The following MSN variants were observed in gnomAD, a reference collection of about 807,000 sequenced individuals.
The protein encoded by MSN is moesin, also known as epididymis luminal protein 70.
MSN carries 2 observed loss-of-function variants against 48.0 expected under a neutral mutation model. The observed-to-expected ratio is 0.04, with a 90% CI of 0.02 to 0.13. MSN has a LOEUF of 0.13. Ranked by LOEUF, MSN falls within the 10% of genes least tolerant of loss-of-function variation. MSN has a pLI of 1.00. For missense variants in MSN, 267 were observed against 470.1 expected (o/e 0.57, Z 3.99); for synonymous variants, 146 against 166.9 (o/e 0.87, Z 0.97).
chrX:65,656,282 T>C (rs184226974), intron 1 of MSN, among the ~76,000 whole-genome samples: 1 of 109,439 alleles, frequency 9.1e-6, no homozygotes, highest in Non-Finnish European at 1.9e-5. Flanking sequence ...TGTGTGTGTG[T>C]GTGTGTGTGT....
Position 65,644,150 on chromosome X carries a change from G to A in MSN, c.-22+55538G>A, listed in dbSNP as rs184453673. 1.8e-4 allele frequency among the ~76,000 whole-genome samples: 20 copies of A among 112,339 alleles called. No individual in the cohort carries two copies. The East Asian group carries it at 4.5e-3, about 25-fold the overall frequency. ...TATGTATAGCACTTCAGGATGGAAT[G>A]TTATAAATAATAAGCAGTACCTGCC... is the stretch of plus-strand genomic sequence containing the variant. On this transcript the variant is annotated intron_variant, in intron 1 of 3. Coordinates refer to the MSN transcript ENST00000609672.
intron 1 of MSN, among the ~76,000 whole-genome samples, chrX:65,604,379 G>C (rs2070261544): frequency 9.0e-6 from 1 of 111,670 alleles, no homozygotes; most frequent in African/African-American, 3.3e-5. Flanking sequence ...GTTAGAGATA[G>C]AATATTTGAA....
intron 7 of MSN, 109 bp from the exon 8 acceptor site, chrX:65,735,158 G>A: frequency 1.1e-6 from 1 of 878,099 alleles, no homozygotes; most frequent in Non-Finnish European, 1.6e-6. Flanking sequence ...TAGTGCAGGA[G>A]GTCAGATTAA....
intron 2 of MSN, 97 bp from the exon 3 acceptor site, chrX:65,727,717 G>C (rs1260789435): frequency 7.4e-6 from 5 of 678,818 alleles, no homozygotes; most frequent in Non-Finnish European, 1.2e-5. Flanking sequence ...AACCCTTTAA[G>C]GGCAGATATA....
intron 1 of MSN, among the ~76,000 whole-genome samples, chrX:65,633,903 G>A (rs2070578133): frequency 8.9e-6 from 1 of 111,854 alleles, no homozygotes; most frequent in Non-Finnish European, 1.9e-5. Context: ...ATGGTCATGT[G>A]TCCAATGTCA....
intron 1 of MSN, among the ~76,000 whole-genome samples, chrX:65,589,382 G>C (rs1368592058): frequency 8.9e-6 from 1 of 111,951 alleles, no homozygotes; most frequent in Non-Finnish European, 1.9e-5. Flanking sequence ...AAAGACATCT[G>C]TTTCTAGGCT....
At chrX:65,658,582 G>C (rs889091380) in intron 1 of MSN, among the ~76,000 whole-genome samples, 1 of 111,649 alleles carries the variant, frequency 9.0e-6, no homozygotes, top group Non-Finnish European at 1.9e-5. Context: ...GGGTCAGGGG[G>C]ATTCTTTTTG....
At chrX:65,674,085 A>G (rs1245299198) in intron 1 of MSN, among the ~76,000 whole-genome samples, 1 of 109,894 alleles carries the variant, frequency 9.1e-6, no homozygotes, top group Non-Finnish European at 1.9e-5. Context: ...TGTCTCAGGA[A>G]CTCTTTGTAG....
chrX:65,708,930 A>G (rs910515986), intron 1 of MSN, among the ~76,000 whole-genome samples: 1 of 111,825 alleles, frequency 8.9e-6, no homozygotes, highest in Non-Finnish European at 1.9e-5. Flanking sequence ...TGATCTGCCC[A>G]TCTCAGCCAC....
intron 1 of MSN, among the ~76,000 whole-genome samples, chrX:65,646,819 T>C (rs1184566428): frequency 9.0e-6 from 1 of 110,902 alleles, no homozygotes; most frequent in African/African-American, 3.3e-5. Flanking sequence ...TGGTGGTGCA[T>C]GCCTGTAATC....
chrX:65,647,423 G>A, intron 1 of MSN, among the ~76,000 whole-genome samples: 1 of 111,692 alleles, frequency 9.0e-6, no homozygotes, highest in Non-Finnish European at 1.9e-5. Context: ...ATGTTGGCCA[G>A]GCTGGTCTCG....
rs754602575 is a variant in MSN, at chrX:65,631,095, C to CT, written c.-22+42497dup. Among the ~76,000 whole-genome samples the CT allele has an allele frequency of 7.9e-3, 795 of 100,177 alleles. 12 individuals carry two copies. The highest frequency in any genetic ancestry group is 0.023 in the African/African-American group (644 of 27,760). The allele number at this position is 100,177 out of a possible 115,157, so 87.0% of individuals were successfully genotyped here. On this transcript the variant is annotated intron_variant, in intron 1 of 3. Coordinates refer to the MSN transcript ENST00000609672. ...TCCCATCTACCTCTATATCCTGCTT[C>CT]TTTTTTTTTTTTTTGTCTGAGACAG...
intron 1 of MSN, among the ~76,000 whole-genome samples, chrX:65,637,844 A>G (rs1306732320): frequency 9.0e-6 from 1 of 111,346 alleles, no homozygotes; most frequent in Non-Finnish European, 1.9e-5. Context: ...GTTACCTTTC[A>G]GTGAGGCATT....
chrX:65,714,915 T>A (rs2071448315), intron 1 of MSN, among the ~76,000 whole-genome samples: 1 of 112,049 alleles, frequency 8.9e-6, no homozygotes, highest in South Asian at 3.7e-4. Flanking sequence ...TTACGTAGGT[T>A]TTCTTTGAGG....
At chrX:65,682,277 A>T (rs1308062807) in intron 1 of MSN, among the ~76,000 whole-genome samples, 1 of 112,179 alleles carries the variant, frequency 8.9e-6, no homozygotes, top group African/African-American at 3.2e-5. Flanking sequence ...AAAACAGTTC[A>T]TGAAGAACCA....
intron 1 of MSN, among the ~76,000 whole-genome samples, chrX:65,633,314 T>C (rs546937175): frequency 8.9e-6 from 1 of 111,913 alleles, no homozygotes; most frequent in East Asian, 2.8e-4. Flanking sequence ...AGGTGACTTC[T>C]TCATGGGACC....
rs5964449 is a variant in MSN, at chrX:65,648,321, C to A, written c.-22+59709C>A. ...TAATCCCAGCACTTTGGGAGGCCGA[C>A]GTGGGCAGATCGCCTGAGGTCAGGA... On this transcript the variant is annotated intron_variant, in intron 1 of 3. Transcript: ENST00000609672. 6.7e-3 allele frequency among the ~76,000 whole-genome samples: 714 copies of A among 106,909 alleles called. 7 individuals carry two copies. Among genetic ancestry groups the A allele is most frequent in the African/African-American group, 0.023 (688 of 29,338 alleles). The allele number at this position is 106,909 out of a possible 115,157, so 92.8% of individuals were successfully genotyped here. A position where few individuals can be genotyped will look rare whatever the true frequency, so the allele number is the denominator to read the frequency against.
chrX:65,709,838 C>A (rs1183698461), intron 1 of MSN, among the ~76,000 whole-genome samples: 1 of 111,611 alleles, frequency 9.0e-6, no homozygotes, highest in East Asian at 2.8e-4. Flanking sequence ...TGGAATCCCA[C>A]CCCCCCTTAG....
intron 1 of MSN, among the ~76,000 whole-genome samples, chrX:65,675,885 G>T (rs754085598): frequency 9.0e-6 from 1 of 111,707 alleles, no homozygotes; most frequent in South Asian, 3.7e-4. Context: ...TGATCCACCC[G>T]CCTCAGCCTC....
Sources: allele counts gnomAD v4.1 joint callset (sites outside exome capture counted in the v4.1 genomes callset), GRCh38; gene constraint gnomAD v4.1.1; transcripts MANE v1.5; gene names NCBI Gene and HGNC (gene_info 2026-07-23, HGNC 2026-07-21).